The following SP140 variants were observed in gnomAD, a reference collection of about 807,000 sequenced individuals.
The protein encoded by SP140 is SP140 nuclear body protein.
SP140 carries 81 observed loss-of-function variants against 125.0 expected under a neutral mutation model. The observed-to-expected ratio is 0.65, with a 90% CI of 0.54 to 0.78. The LOEUF (loss-of-function observed/expected upper bound fraction) is 0.78. Among genes scored for constraint, SP140 ranks in the 30% least tolerant of loss-of-function variants. The pLI is 0.00. For synonymous variants in SP140, 312 were observed against 354.0 expected (o/e 0.88, Z 1.33); for missense variants, 858 against 1,037.0 (o/e 0.83, Z 2.37).
chr2:230,250,286 A>G (rs1188440870), intron 9 of SP140, among the ~76,000 whole-genome samples: 3 of 152,204 alleles, frequency 2.0e-5, no homozygotes, highest in Non-Finnish European at 4.4e-5. Context: ...TTTGCTGCAC[A>G]GGATTAGATG....
At chr2:230,287,441 GTTTT>G (rs1287311701) in intron 17 of SP140, among the ~76,000 whole-genome samples, 3 of 152,092 alleles carry the variant, frequency 2.0e-5, no homozygotes, top group Non-Finnish European at 1.5e-5. Flanking sequence ...TAATTTTGTA[GTTTT>G]GTCTCAATTT....
rs141229688 is a variant in SP140, at chr2:230,270,683, C to T, written c.1498+44C>T. 71 of 1,493,618 alleles carry T rather than the reference C, an allele frequency of 4.8e-5. No homozygotes were observed. In the African/African-American group the frequency reaches 6.8e-4, roughly 14 times the overall value. The allele number at this position is 1,493,618 out of a possible 1,614,324, so 92.5% of individuals were successfully genotyped here. A position where few individuals can be genotyped will look rare whatever the true frequency, so the allele number is the denominator to read the frequency against. On this transcript the variant is annotated intron_variant, in intron 15 of 26. Transcript: ENST00000392045. ...TTATTTGCTTTTGGTATTACAAATACGTTTTTAATGCCAGAGTTTTAATTT... is the reference window on the plus strand; with the variant it reads ...TTATTTGCTTTTGGTATTACAAATATGTTTTTAATGCCAGAGTTTTAATTT...
chr2:230,311,729 T>G (rs995809790), intron 26 of SP140, 134 bp downstream of exon 26: 3 of 977,000 alleles, frequency 3.1e-6, no homozygotes, highest in Non-Finnish European at 3.0e-6. Context: ...ATTGATTGGT[T>G]TCAGTTCAGA....
intron 15 of SP140, among the ~76,000 whole-genome samples, chr2:230,284,126 A>C (rs2056031285): frequency 6.6e-6 from 1 of 152,178 alleles, no homozygotes; most frequent in South Asian, 2.1e-4. Flanking sequence ...AAGGAACGTC[A>C]TCTCCTGTAG....
At chr2:230,223,174 C>T (rs1415219838), upstream of SP140, among the ~76,000 whole-genome samples, 1 of 151,876 alleles carries the variant, frequency 6.6e-6, no homozygotes, top group Non-Finnish European at 1.5e-5. Context: ...GTAGCTGGGA[C>T]TACAGGCACG....
chr2:230,216,183 A>G (rs1189324835), intron 3 of SP140, among the ~76,000 whole-genome samples: 4 of 152,224 alleles, frequency 2.6e-5, no homozygotes, highest in African/African-American at 9.6e-5. Flanking sequence ...TTGGATGGAT[A>G]TATCTCAGCC....
intron 12 of SP140, among the ~76,000 whole-genome samples, chr2:230,262,053 G>A (rs1247883855): frequency 6.6e-6 from 1 of 152,152 alleles, no homozygotes; most frequent in African/African-American, 2.4e-5. Context: ...CTGTCTGGTA[G>A]CATTCTGCTG....
At chr2:230,227,608 A>G (rs1402448863) in intron 1 of SP140, among the ~76,000 whole-genome samples, 1 of 152,170 alleles carries the variant, frequency 6.6e-6, no homozygotes, top group African/African-American at 2.4e-5. Context: ...AATTTCTTTA[A>G]TAGATGTAGG....
intron 7 of SP140, among the ~76,000 whole-genome samples, chr2:230,246,522 T>C (rs2049475178): frequency 1.3e-5 from 2 of 152,116 alleles, no homozygotes; most frequent in African/African-American, 4.8e-5. Context: ...TATTGCAATA[T>C]AGAAAACTCA....
intron 22 of SP140, among the ~76,000 whole-genome samples, chr2:230,306,929 C>T (rs1187376562): frequency 2.0e-5 from 3 of 152,200 alleles, no homozygotes. Flanking sequence ...GGGAACTGGG[C>T]TGCCAATCCT....
intron 3 of SP140, chr2:230,215,192 A>T (rs1356599467): frequency 8.2e-7 from 1 of 1,214,400 alleles, no homozygotes. Context: ...ATGGTTTTCT[A>T]AGTTTTAAGA....
chr2:230,241,472 C>A lies in SP140; in HGVS notation c.475C>A (p.Pro159Thr). 1 of 1,571,190 alleles carries A rather than the reference C, an allele frequency of 6.4e-7. No individual in the cohort carries two copies. Reference sequence around the variant, plus strand: ...TTTAGAAGATAGACCCAGATTACTACCATATGGTAAACAAGGTAACTATCA... The same window carrying A: ...TTTAGAAGATAGACCCAGATTACTAACATATGGTAAACAAGGTAACTATCA... ...NDLEDRPRLLPYGKQENSNAC... is the reference protein window; with the variant it reads ...NDLEDRPRLLTYGKQENSNAC... Residue 159 changes from proline to threonine, a missense_variant, in exon 4 of 27, where the codon CCA becomes ACA. Pro to Thr is a conservative substitution (Grantham distance 38, BLOSUM62 -1). Coordinates refer to ENST00000392045, the MANE Select transcript of SP140 (RefSeq NM_007237.5).
rs761479989 is a variant in SP140, at chr2:230,294,276, A to C, written c.1974A>C (p.Gly658=). ...TGAATCTTTTTGTCTTTCAGAATGGATTTCTGCCTGATCCTCCAAGAATAC... is the reference window on the plus strand; with the variant it reads ...TGAATCTTTTTGTCTTTCAGAATGGCTTTCTGCCTGATCCTCCAAGAATAC... ...GWPLRWLMEN[G]FLPDPPRIRY... is the part of the protein sequence containing the mutation. The change falls in exon 21 of 27, where the codon GGA becomes GGC. Residue 658 remains glycine (G), a synonymous_variant. Coordinates refer to ENST00000392045, the MANE Select transcript of SP140 (RefSeq NM_007237.5). The C allele has an allele frequency of 1.2e-6, 2 of 1,613,154 alleles. No homozygotes were observed. Among genetic ancestry groups the C allele is most frequent in the Non-Finnish European group, 1.7e-6 (2 of 1,179,272 alleles).
intron 22 of SP140, among the ~76,000 whole-genome samples, chr2:230,298,974 C>T (rs2058026253): frequency 6.6e-6 from 1 of 152,194 alleles, no homozygotes; most frequent in South Asian, 2.1e-4. Context: ...ATTTTATATA[C>T]TCTCCTGAGA....
Position 230,237,234 on chromosome 2 carries a change from T to A in SP140, c.211T>A (p.Ser71Thr). The A allele has an allele frequency of 6.2e-7, 1 of 1,612,032 alleles. No homozygotes were observed. The highest frequency in any genetic ancestry group is 8.5e-7 in the Non-Finnish European group (1 of 1,179,390). ...TTTCCTTATGGGCCTCCGAGACCGC[T>A]CCTTCATCTCCGAGCAGATGTATGA... ...FPFLMGLRDR[S>T]FISEQMYEHF... Residue 71 changes from serine to threonine, a missense_variant, in exon 2 of 27, where the codon TCC becomes ACC. By Grantham distance (58) the Ser-to-Thr change is moderately conservative (BLOSUM62 1). Around this residue, in one of 4 missense-constraint regions of SP140, gnomAD observed 791 missense variants for 869.5 expected, o/e 0.91. Coordinates refer to ENST00000392045, the MANE Select transcript of SP140 (RefSeq NM_007237.5). This position sits in a 1 kb window ranked among gnomAD's most constrained non-coding sequence, Gnocchi z 5.4.
At chr2:230,259,004 A>G (rs62191188) in intron 12 of SP140, among the ~76,000 whole-genome samples, 15,916 of 152,212 alleles carry the variant, frequency 0.1, 920 homozygotes, top group Middle Eastern at 0.12. Context: ...GGCAACTAGG[A>G]TGAGATGTGG....
intron 9 of SP140, among the ~76,000 whole-genome samples, chr2:230,250,082 A>G (rs563224256): frequency 6.6e-6 from 1 of 152,310 alleles, no homozygotes; most frequent in Non-Finnish European, 1.5e-5. Context: ...AGGGAAACCA[A>G]CACCTCCTCC....
At chr2:230,217,841 G>C in intron 3 of SP140, among the ~76,000 whole-genome samples, 1 of 152,196 alleles carries the variant, frequency 6.6e-6, no homozygotes, top group East Asian at 1.9e-4. Context: ...CCCTAAAATG[G>C]GTAGAGTTCA....
At position 230,282,421 on chromosome 2, in the gene SP140, C is replaced by G. The variant is rs1165693777; in HGVS notation, c.1499-1925C>G. On this transcript the variant is annotated intron_variant, in intron 15 of 26. Coordinates refer to ENST00000392045, the MANE Select transcript of SP140 (RefSeq NM_007237.5). ...CACATTTTTGCTTCTGGCAAATTTC[C>G]CCATGAAGACACCACCCCATCAGCC... Among the ~76,000 whole-genome samples, 13 of 152,154 alleles carry G rather than the reference C, an allele frequency of 8.5e-5. No homozygotes were observed. In the East Asian group the frequency reaches 2.5e-3, roughly 29 times the overall value.
Sources: allele counts gnomAD v4.1 joint callset (sites outside exome capture counted in the v4.1 genomes callset), GRCh38; gene constraint gnomAD v4.1.1; regional missense constraint gnomAD v4.1.1; non-coding constraint Gnocchi (gnomAD v3.1); transcripts MANE v1.5; gene names NCBI Gene and HGNC (gene_info 2026-07-23, HGNC 2026-07-21).